The following PPP1R42 variants were observed in gnomAD, a reference collection of about 807,000 sequenced individuals.
PPP1R42 encodes the protein protein phosphatase 1 regulatory subunit 42.
PPP1R42 carries 34 observed loss-of-function variants against 31.0 expected under a neutral mutation model. The observed-to-expected ratio is 1.10, with a 90% CI of 0.83 to 1.46. The LOEUF (loss-of-function observed/expected upper bound fraction) is 1.46. PPP1R42 is among the 40% of genes most tolerant of loss of function. The probability of loss-of-function intolerance (pLI) is 0.00; values close to 1 mark genes in which losing one functional copy is unlikely to be tolerated. For synonymous variants in PPP1R42, 103 were observed against 109.8 expected (o/e 0.94, Z 0.39); for missense variants, 268 against 303.0 (o/e 0.88, Z 0.86).
In PPP1R42 at chr8:66,982,168, C is replaced by G; in HGVS notation, c.683G>C (p.Gly228Ala). The change falls in exon 7 of 8, where the codon GGA (glycine) becomes GCA (alanine). Residue 228 changes from glycine to alanine, a missense_variant. Transcript: ENST00000685739. ...LVSKSLEFLD[G>A]KEIKNIERQF... ...TCTTTCTATATTTTTAATTTCTTTTCCATCAAGAAATTCTGGAGAAAAATA... is the reference window on the plus strand; with the variant it reads ...TCTTTCTATATTTTTAATTTCTTTTGCATCAAGAAATTCTGGAGAAAAATA... 4 of 1,420,964 alleles carry G rather than the reference C, an allele frequency of 2.8e-6. No homozygotes were observed. The highest frequency in any genetic ancestry group is 3.7e-6 in the Non-Finnish European group (4 of 1,090,112). 88.0% of individuals were successfully genotyped at this position (1,420,964 alleles called of 1,614,324 possible).
chr8:67,025,168 C>A (rs1816355911), intron 1 of PPP1R42, among the ~76,000 whole-genome samples: 1 of 151,586 alleles, frequency 6.6e-6, no homozygotes, highest in Non-Finnish European at 1.5e-5. Flanking sequence ...TGGTCTCAAA[C>A]CCGTGGCCTC....
chr8:67,010,712 T>C lies in PPP1R42; in HGVS notation c.552+3A>G. 6.4e-7 allele frequency: 1 copy of C among 1,551,464 alleles called. No individual in the cohort carries two copies. The highest frequency in any genetic ancestry group is 8.8e-7 in the Non-Finnish European group (1 of 1,133,016). Reference sequence around the variant, plus strand: ...CTTAAAAATTAATTTCTCTTTACACTACCTTCACATGCAGAAGTTGGTTGT... The same window carrying C: ...CTTAAAAATTAATTTCTCTTTACACCACCTTCACATGCAGAAGTTGGTTGT... On this transcript the variant is annotated splice_donor_region_variant and intron_variant, in intron 5 of 7. Coordinates refer to ENST00000685739, the MANE Select transcript of PPP1R42 (RefSeq NM_001364910.1).
intron 4 of PPP1R42, among the ~76,000 whole-genome samples, chr8:67,012,182 G>A (rs908944656): frequency 6.6e-6 from 1 of 152,162 alleles, no homozygotes; most frequent in African/African-American, 2.4e-5. Flanking sequence ...GTTGCAGTGA[G>A]CAGAGGTCGT....
At chr8:66,993,076 T>C (rs559232668) in intron 5 of PPP1R42, among the ~76,000 whole-genome samples, 3 of 152,190 alleles carry the variant, frequency 2.0e-5, no homozygotes, top group Non-Finnish European at 2.9e-5. Flanking sequence ...ACTCTTGACT[T>C]CTTTATTTCT....
At chr8:67,001,355 A>G (rs1815484728) in intron 5 of PPP1R42, among the ~76,000 whole-genome samples, 1 of 148,980 alleles carries the variant, frequency 6.7e-6, no homozygotes, top group Non-Finnish European at 1.5e-5. Context: ...TTAAGATTGG[A>G]TTTAAAAAAA....
intron 3 of PPP1R42, among the ~76,000 whole-genome samples, chr8:67,013,571 CCAGT>C (rs1158674311): frequency 2.7e-5 from 4 of 146,550 alleles, no homozygotes; most frequent in Non-Finnish European, 4.4e-5. Context: ...AATAAGCAAG[CCAGT>C]CAGTTATTGT....
At chr8:67,019,237 CTTTTTTTTTT>C (rs1186280936) in intron 1 of PPP1R42, among the ~76,000 whole-genome samples, 2 of 91,670 alleles carry the variant, frequency 2.2e-5, no homozygotes, top group Non-Finnish European at 4.0e-5. Context: ...TTATGAGCAT[CTTTTTTTTTT>C]TTTTTTTTTT....
rs2130914249 is a variant in PPP1R42, at chr8:66,973,097, C to CTTTT, written c.803-8767_803-8764dup. Among the ~76,000 whole-genome samples the CTTTT allele has an allele frequency of 1.3e-5, 2 of 152,226 alleles. 1 individual carries two copies. Among genetic ancestry groups the CTTTT allele is most frequent in the South Asian group, 4.1e-4 (2 of 4,822 alleles). On this transcript the variant is annotated intron_variant, in intron 7 of 7. Coordinates refer to ENST00000685739, the MANE Select transcript of PPP1R42 (RefSeq NM_001364910.1). ...ATGTTTAGCACAGTAAATGTCAGTT[C>CTTTT]TTTTTTCTTCCCTTGCCCCCTCTTC... is the stretch of plus-strand genomic sequence containing the variant.
chr8:67,008,707 CAAAAA>C (rs764674038), intron 5 of PPP1R42, among the ~76,000 whole-genome samples: 1 of 72,292 alleles, frequency 1.4e-5, no homozygotes. Context: ...GACTCTGTCT[CAAAAA>C]AAAAAAAAAA....
At chr8:67,015,571 A>G (rs1334056390) in intron 2 of PPP1R42, among the ~76,000 whole-genome samples, 1 of 151,184 alleles carries the variant, frequency 6.6e-6, no homozygotes, top group African/African-American at 2.4e-5. Flanking sequence ...TATTATATGT[A>G]TATTATATGA....
chr8:66,985,381 T>A (rs1814978298), intron 6 of PPP1R42: 1 of 744,314 alleles, frequency 1.3e-6, no homozygotes, highest in African/African-American at 1.7e-5. Flanking sequence ...AGCACGAATA[T>A]TGGCAGGAGT....
rs1816141086 is a variant in PPP1R42 at position 67,019,479 on chromosome 8, C to T, written c.-84-1648G>A. 5.5e-5 allele frequency among the ~76,000 whole-genome samples: 8 copies of T among 145,576 alleles called. No individual in the cohort carries two copies. In the South Asian group the frequency reaches 1.6e-3, roughly 28 times the overall value. ...GGTCTTGAACTCCTGACCTCGTGAT[C>T]CACCCACCTCGGCCTCCCAAAGTGC... On this transcript the variant is annotated intron_variant, in intron 1 of 7. Transcript: ENST00000685739.
chr8:66,985,961 T>C (rs1197925821), intron 6 of PPP1R42: 8 of 757,270 alleles, frequency 1.1e-5, no homozygotes, highest in Non-Finnish European at 1.4e-5. Flanking sequence ...TCTTTAGCTT[T>C]CGTTTTCTGC....
At chr8:67,008,295 G>T (rs1476118310) in intron 5 of PPP1R42, among the ~76,000 whole-genome samples, 1 of 152,126 alleles carries the variant, frequency 6.6e-6, no homozygotes, top group African/African-American at 2.4e-5. Flanking sequence ...TCCACTGAGG[G>T]TCTTAGAATG....
chr8:67,014,454 G>A lies in PPP1R42; in HGVS notation c.268C>T (p.Leu90Phe). Residue 90 changes from leucine (L) to phenylalanine (F), a missense_variant, in exon 3 of 8, where the codon CTC (leucine) becomes TTC (phenylalanine). Coordinates refer to ENST00000685739, the MANE Select transcript of PPP1R42 (RefSeq NM_001364910.1). ...QNNCISCIEN[L>F]RSLKKLEKLY... The stretch of plus-strand genomic sequence containing the variant: ...TTTTCCAGTTTCTTTAATGACCTGA[G>A]GTTCTCTATACATGAAATACAATTG... 6.4e-7 allele frequency: 1 copy of A among 1,550,644 alleles called. No individual in the cohort carries two copies. Among genetic ancestry groups the A allele is most frequent in the South Asian group, 1.3e-5 (1 of 77,538 alleles).
chr8:66,995,013 C>G (rs1408276688), intron 5 of PPP1R42, among the ~76,000 whole-genome samples: 1 of 152,150 alleles, frequency 6.6e-6, no homozygotes, highest in East Asian at 1.9e-4. Context: ...ATGTCCATTT[C>G]TTTTTCCCCA....
intron 1 of PPP1R42, among the ~76,000 whole-genome samples, chr8:67,022,213 A>T (rs1249960869): frequency 5.9e-5 from 9 of 152,202 alleles, no homozygotes; most frequent in Non-Finnish European, 1.0e-4. Context: ...ATGGGTATAA[A>T]ATGATATCTC....
At chr8:67,001,337 A>G (rs1815482956) in intron 5 of PPP1R42, among the ~76,000 whole-genome samples, 2 of 149,614 alleles carry the variant, frequency 1.3e-5, no homozygotes, top group Admixed American at 1.3e-4. Context: ...AGGCGTCACC[A>G]TGCCCGGTTA....
intron 7 of PPP1R42, among the ~76,000 whole-genome samples, chr8:66,978,155 A>G (rs1157863757): frequency 6.6e-6 from 1 of 152,214 alleles, no homozygotes; most frequent in African/African-American, 2.4e-5. Flanking sequence ...TCACAGTTCC[A>G]CATGGCTGGG....
Sources: gnomAD v4.1 joint callset for allele counts (sites outside exome capture counted in the v4.1 genomes callset) on GRCh38, gnomAD v4.1.1 for gene constraint, MANE v1.5 for transcripts, NCBI Gene and HGNC (gene_info 2026-07-23, HGNC 2026-07-21) for gene names.